The following RNF111 variants were observed in gnomAD, a reference collection of about 807,000 sequenced individuals.
RNF111 encodes the protein E3 ubiquitin-protein ligase Arkadia.
Under a neutral mutation model 95.1 loss-of-function variants are expected in RNF111, and 17 were observed. The observed-to-expected ratio is 0.18, with a 90% CI of 0.12 to 0.27. The LOEUF is 0.27. Among genes scored for constraint, RNF111 ranks in the 10% least tolerant of loss-of-function variants. The probability of loss-of-function intolerance (pLI) is 1.00; values close to 1 mark genes in which losing one functional copy is unlikely to be tolerated. For synonymous variants in RNF111, 440 were observed against 414.8 expected (o/e 1.06, Z -0.74); for missense variants, 1,189 against 1,210.4 (o/e 0.98, Z 0.26).
chr15:59,068,388 C>T (rs1472283708), intron 6 of RNF111, among the ~76,000 whole-genome samples: 1 of 152,206 alleles, frequency 6.6e-6, no homozygotes, highest in South Asian at 2.1e-4. Context: ...AAGTGGATCA[C>T]CTGAGGTCAG....
chr15:59,043,848 T>A lies in RNF111; in HGVS notation c.881-8457T>A, dbSNP rs150623909. Reference sequence around the variant, plus strand: ...GCACCCACATGTTTAGTAGGTATGGTACCATGGTGTCATTTATGAAAAGAA... The same window carrying A: ...GCACCCACATGTTTAGTAGGTATGGAACCATGGTGTCATTTATGAAAAGAA... On this transcript the variant is annotated intron_variant, in intron 2 of 13. Coordinates refer to ENST00000348370, the MANE Select transcript of RNF111 (RefSeq NM_017610.8). Among the ~76,000 whole-genome samples the A allele has an allele frequency of 5.1e-4, 78 of 152,328 alleles. No individual in the cohort carries two copies. The East Asian group carries it at 0.013, about 26-fold the overall frequency.
intron 2 of RNF111, among the ~76,000 whole-genome samples, chr15:59,042,613 T>C (rs1286139233): frequency 6.6e-6 from 1 of 152,182 alleles, no homozygotes; most frequent in East Asian, 1.9e-4. Flanking sequence ...TCCTTACGTA[T>C]AATAGGAAAA....
chr15:59,036,193 G>A (rs2041169111), intron 2 of RNF111, among the ~76,000 whole-genome samples: 1 of 152,046 alleles, frequency 6.6e-6, no homozygotes, highest in African/African-American at 2.4e-5. Flanking sequence ...GAGTAGCTGG[G>A]ATGACAGGCC....
chr15:59,002,638 C>G (rs1472799403), intron 1 of RNF111, among the ~76,000 whole-genome samples: 1 of 151,756 alleles, frequency 6.6e-6, no homozygotes, highest in Non-Finnish European at 1.5e-5. Context: ...AGGTCTTAGG[C>G]AAGTCACTTC....
At chr15:59,024,025 C>G (rs2040477649) in intron 1 of RNF111, among the ~76,000 whole-genome samples, 1 of 152,050 alleles carries the variant, frequency 6.6e-6, no homozygotes, top group South Asian at 2.1e-4. Context: ...TTTTGGCTCC[C>G]TGCTGTTCTT....
At chr15:58,999,822 G>C (rs1048540689) in intron 1 of RNF111, among the ~76,000 whole-genome samples, 29 of 152,130 alleles carry the variant, frequency 1.9e-4, no homozygotes, top group Non-Finnish European at 2.8e-4. Flanking sequence ...ATCTGCTTCT[G>C]GGGAGGCCTC....
Position 59,030,789 on chromosome 15 carries a change from A to G in RNF111, c.-19-15A>G, listed in dbSNP as rs2040865246. 2.0e-6 allele frequency: 3 copies of G among 1,503,970 alleles called. No individual in the cohort carries two copies. In the African/African-American group the frequency reaches 4.2e-5, roughly 21 times the overall value. The allele number at this position is 1,503,970 out of a possible 1,614,324, so 93.2% of individuals were successfully genotyped here. A position where few individuals can be genotyped will look rare whatever the true frequency, so the allele number is the denominator to read the frequency against. On this transcript the variant is annotated splice_polypyrimidine_tract_variant and intron_variant, in intron 1 of 13. Transcript: ENST00000348370. ...CACATTAAAAATCTTTTAAATATCT[A>G]ATTTTGTCTTCTAGGCTTTCCTTAA...
At chr15:58,991,886 G>T (rs1437158681) in intron 1 of RNF111, among the ~76,000 whole-genome samples, 1 of 152,142 alleles carries the variant, frequency 6.6e-6, no homozygotes, top group Non-Finnish European at 1.5e-5. Flanking sequence ...AACATTGGGG[G>T]AAATCTGAAT....
At chr15:59,075,893 A>G in intron 6 of RNF111, 61 bp from the exon 7 acceptor site, 1 of 1,544,004 alleles carries the variant, frequency 6.5e-7, no homozygotes, top group South Asian at 1.2e-5. Context: ...TACTTTTATA[A>G]TATAACATGA....
chr15:59,005,915 A>C (rs1404727759), intron 1 of RNF111, among the ~76,000 whole-genome samples: 12 of 152,370 alleles, frequency 7.9e-5, no homozygotes, highest in African/African-American at 2.9e-4. Flanking sequence ...AATGATTAAT[A>C]ATTTGCTAAT....
chr15:58,995,161 C>G (rs1293085609), intron 1 of RNF111, among the ~76,000 whole-genome samples: 1 of 152,200 alleles, frequency 6.6e-6, no homozygotes, highest in Non-Finnish European at 1.5e-5. Flanking sequence ...CATCACTCCC[C>G]ACATCCCCCA....
At chr15:59,086,598 G>C (rs1328551830) in intron 10 of RNF111, among the ~76,000 whole-genome samples, 1 of 152,234 alleles carries the variant, frequency 6.6e-6, no homozygotes, top group African/African-American at 2.4e-5. Flanking sequence ...GTTGTGGGTA[G>C]AGGCACTGCA....
At position 59,055,803 on chromosome 15, in the gene RNF111, C is replaced by G. The variant is rs747792526; in HGVS notation, c.1129C>G (p.Gln377Glu). ...RISTVIQPLR[Q>E]NAAEVVDLTV... ...TTCTACTGTTATACAGCCCTTGAGG[C>G]AGAATGCAGCAGAAGTTGTGGACCT... Residue 377 changes from glutamine (Q) to glutamate (E), a missense_variant, in exon 4 of 14, where the codon CAG becomes GAG. By Grantham distance (29) the Gln-to-Glu change is conservative. This residue lies in a region of RNF111 where 1,024 missense variants were observed against 925.9 expected (regional missense o/e 1.11). Transcript: ENST00000348370. The G allele has an allele frequency of 1.4e-5, 23 of 1,613,608 alleles. No individual in the cohort carries two copies. Among genetic ancestry groups the G allele is most frequent in the Non-Finnish European group, 1.9e-5 (23 of 1,179,844 alleles).
chr15:59,070,977 A>C (rs542163594), intron 6 of RNF111, among the ~76,000 whole-genome samples: 4 of 152,222 alleles, frequency 2.6e-5, no homozygotes, highest in African/African-American at 9.6e-5. Flanking sequence ...GTTCCACTGA[A>C]CCTAAGCAGT....
chr15:59,041,112 A>G (rs79792215), intron 2 of RNF111, among the ~76,000 whole-genome samples: 5,909 of 152,228 alleles, frequency 0.039, 199 homozygotes, highest in African/African-American at 0.09. Flanking sequence ...ATGAAAGTAT[A>G]TATCTCCGTA....
chr15:59,045,484 C>T (rs1356237385), intron 2 of RNF111, among the ~76,000 whole-genome samples: 4 of 151,970 alleles, frequency 2.6e-5, no homozygotes, highest in South Asian at 2.1e-4. Context: ...ACACTGCGCC[C>T]GGCCTTAGTT....
chr15:59,073,641 C>T (rs1007875048), intron 6 of RNF111, among the ~76,000 whole-genome samples: 1 of 152,172 alleles, frequency 6.6e-6, no homozygotes, highest in African/African-American at 2.4e-5. Context: ...TTACTTCATC[C>T]ACTGAAGTCT....
intron 1 of RNF111, among the ~76,000 whole-genome samples, chr15:58,998,542 A>T (rs1313617455): frequency 6.6e-6 from 1 of 152,214 alleles, no homozygotes; most frequent in African/African-American, 2.4e-5. Flanking sequence ...TGATTTAGTT[A>T]TAAAATGGAT....
intron 1 of RNF111, among the ~76,000 whole-genome samples, chr15:59,019,763 G>A (rs1965171): frequency 0.052 from 7,866 of 152,116 alleles, 276 homozygotes; most frequent in Non-Finnish European, 0.079. Flanking sequence ...ATTCGAGACC[G>A]GCCTGGCCAA....
Sources: allele counts gnomAD v4.1 joint callset (sites outside exome capture counted in the v4.1 genomes callset), GRCh38; gene constraint gnomAD v4.1.1; regional missense constraint gnomAD v4.1.1; transcripts MANE v1.5; gene names NCBI Gene and HGNC (gene_info 2026-07-23, HGNC 2026-07-21).